Variants in PNPT1 observed in about 807,000 individuals in gnomAD.
PNPT1 encodes the protein polyribonucleotide nucleotidyltransferase 1, mitochondrial.
PNPT1 carries 53 observed loss-of-function variants against 119.5 expected under a neutral mutation model. The observed-to-expected ratio is 0.44, with a 90% CI of 0.36 to 0.56. The LOEUF (loss-of-function observed/expected upper bound fraction) is 0.56. PNPT1 is among the 20% of genes least tolerant of loss of function. The pLI is 0.00. For missense variants in PNPT1, 948 were observed against 938.5 expected, an observed-to-expected ratio of 1.01 and a Z score of -0.13; for synonymous variants, 357 against 322.1, an observed-to-expected ratio of 1.11 and a Z score of -1.16.
In PNPT1 at chr2:55,650,716, G is replaced by A. The variant is rs867382168; in HGVS notation, c.1496-3263C>T. On this transcript the variant is annotated intron_variant, in intron 18 of 27. Transcript: ENST00000447944. ...ATGTGAGGAGCGTCTCTGCCCGGCCGCCCCGTCTGAGAAGTGAGGAGACCC... is the reference window on the plus strand; with the variant it reads ...ATGTGAGGAGCGTCTCTGCCCGGCCACCCCGTCTGAGAAGTGAGGAGACCC... Among the ~76,000 whole-genome samples, 169 of 150,740 alleles carry A rather than the reference G, an allele frequency of 1.1e-3. 1 individual carries two copies. In the Middle Eastern group the frequency reaches 0.024, roughly 21 times the overall value.
chr2:55,654,959 G>C lies in PNPT1; in HGVS notation c.1442-6C>G, dbSNP rs1366094120. 1.9e-6 allele frequency: 3 copies of C among 1,610,778 alleles called. No homozygotes were observed. Among genetic ancestry groups the C allele is most frequent in the Non-Finnish European group, 2.5e-6 (3 of 1,178,240 alleles). ...AGATGCCATAGAAGATGACCCTATA[G>C]AAAGAAAAATAACTGCTTTATATTA... On this transcript the variant is annotated splice_region_variant and splice_polypyrimidine_tract_variant and intron_variant, in intron 17 of 27. Transcript: ENST00000447944.
chr2:55,652,596 A>G (rs1696245805), intron 18 of PNPT1, among the ~76,000 whole-genome samples: 1 of 152,162 alleles, frequency 6.6e-6, no homozygotes, highest in Non-Finnish European at 1.5e-5. Flanking sequence ...TGACCTGTTG[A>G]TCAGATTAAG....
intron 25 of PNPT1, among the ~76,000 whole-genome samples, chr2:55,642,523 G>A (rs542187330): frequency 4.0e-5 from 6 of 148,568 alleles, no homozygotes; most frequent in Middle Eastern, 3.4e-3. Context: ...GCAGAATGGC[G>A]TGAACCCGGG....
Position 55,668,772 on chromosome 2 carries a change from G to GT in PNPT1, c.977-815dup, listed in dbSNP as rs1025680690. Among the ~76,000 whole-genome samples, 7 of 151,938 alleles carry GT rather than the reference G, an allele frequency of 4.6e-5. No individual in the cohort carries two copies. The East Asian group carries it at 1.2e-3, about 25-fold the overall frequency. On this transcript the variant is annotated intron_variant, in intron 11 of 27. Transcript: ENST00000447944. ...GTGCCAACACACCTGGCTAATTTGTGTATCTTTAGTAGAGACGGGGTTTCT... is the reference window on the plus strand; with the variant it reads ...GTGCCAACACACCTGGCTAATTTGTGTTATCTTTAGTAGAGACGGGGTTTCT...
intron 15 of PNPT1, 27 bp downstream of exon 15, chr2:55,660,130 A>T (rs1363579462): frequency 6.4e-7 from 1 of 1,555,716 alleles, no homozygotes; most frequent in African/African-American, 1.4e-5. Flanking sequence ...TTATTAATAA[A>T]ATTTTGAGGA....
chr2:55,671,243 A>C, intron 11 of PNPT1, 76 bp downstream of exon 11: 1 of 714,966 alleles, frequency 1.4e-6, no homozygotes, highest in Non-Finnish European at 2.2e-6. Flanking sequence ...CTTTAATCCC[A>C]AGAAGCAAGA....
At chr2:55,666,844 C>G (rs1572818214) in intron 13 of PNPT1, 147 bp downstream of exon 13, 1 of 549,794 alleles carries the variant, frequency 1.8e-6, no homozygotes, top group East Asian at 3.4e-5. Context: ...CTGTCTCAAA[C>G]AAAACAAACA....
Position 55,634,914 on chromosome 2 carries a change from T to G in PNPT1, c.*1323A>C, listed in dbSNP as rs1167765251. The stretch of plus-strand genomic sequence containing the variant: ...TTTTTTAGAGATAAGAGTCCTGCTA[T>G]GTTGCCCAGGCTGGAGTACAGTAGC... On this transcript the variant is annotated 3_prime_UTR_variant, in exon 28 of 28. Transcript: ENST00000447944. 1 of 152,196 alleles carries G rather than the reference T, an allele frequency of 6.6e-6. No homozygotes were observed. The allele number at this position is 152,196 out of a possible 1,614,324, so 9.4% of individuals were successfully genotyped here. A position where few individuals can be genotyped will look rare whatever the true frequency, so the allele number is the denominator to read the frequency against.
chr2:55,671,106 G>T (rs760370645), intron 11 of PNPT1, among the ~76,000 whole-genome samples: 6 of 152,168 alleles, frequency 3.9e-5, no homozygotes, highest in African/African-American at 1.2e-4. Flanking sequence ...GGTGGCATTT[G>T]AACCTTGGGT....
chr2:55,671,931 C>A, intron 10 of PNPT1, 64 bp downstream of exon 10: 2 of 1,210,178 alleles, frequency 1.7e-6, no homozygotes, highest in Non-Finnish European at 2.3e-6. Flanking sequence ...AAGAAAATTA[C>A]ATGAGTTATG....
chr2:55,689,714 T>C (rs1398112885), intron 1 of PNPT1, among the ~76,000 whole-genome samples: 1 of 151,858 alleles, frequency 6.6e-6, no homozygotes, highest in Non-Finnish European at 1.5e-5. Context: ...AAGTGACTAC[T>C]ACTAATGAAT....
chr2:55,645,116 C>A (rs533808869), intron 22 of PNPT1: 208 of 318,102 alleles, frequency 6.5e-4, no homozygotes, highest in African/African-American at 3.1e-3. Flanking sequence ...CTCCGCCTCC[C>A]GGGTTCATGC....
chr2:55,683,179 G>A (rs532328638), intron 5 of PNPT1, among the ~76,000 whole-genome samples: 46 of 152,224 alleles, frequency 3.0e-4, no homozygotes, highest in African/African-American at 1.1e-3. Context: ...CTGTAGTCAC[G>A]CTGATCTTCT....
Position 55,662,101 on chromosome 2 carries a change from C to G in PNPT1, c.1177-75G>C, listed in dbSNP as rs1266850258. 4.8e-6 allele frequency: 6 copies of G among 1,251,146 alleles called. No homozygotes were observed. The African/African-American group carries it at 9.3e-5, about 19-fold the overall frequency. The allele number at this position is 1,251,146 out of a possible 1,614,324, so 77.5% of individuals were successfully genotyped here. A position where few individuals can be genotyped will look rare whatever the true frequency, so the allele number is the denominator to read the frequency against. On this transcript the variant is annotated intron_variant, in intron 13 of 27. Coordinates refer to ENST00000447944, the MANE Select transcript of PNPT1 (RefSeq NM_033109.5). ...TGAAAACTAAAAATACTTGAAGAAT[C>G]CAACTAACTCTTAAAAAAATGAGAT...
intron 27 of PNPT1, 99 bp downstream of exon 27, chr2:55,637,453 C>A (rs1399726996): frequency 5.4e-6 from 6 of 1,117,666 alleles, no homozygotes; most frequent in Admixed American, 2.0e-5. Flanking sequence ...AAATAAAAAA[C>A]TTCATAGATG....
At position 55,672,945 on chromosome 2, in the gene PNPT1, T is replaced by C. The variant is rs750722173; in HGVS notation, c.814A>G (p.Thr272Ala). Reference protein sequence around the residue: ...LVKETGVTKRTPQKLFTPSPE... With the variant: ...LVKETGVTKRAPQKLFTPSPE... ...GAAGGGGTAAATAACTTCTGAGGTGTCCTCTTGGTAACACCAGTTTCTTTT... is the reference window on the plus strand; with the variant it reads ...GAAGGGGTAAATAACTTCTGAGGTGCCCTCTTGGTAACACCAGTTTCTTTT... Residue 272 changes from threonine to alanine, a missense_variant, in exon 9 of 28, where the codon ACA becomes GCA. Physicochemically the swap from Thr to Ala is moderately conservative, Grantham distance 58. Coordinates refer to ENST00000447944, the MANE Select transcript of PNPT1 (RefSeq NM_033109.5). 1 of 1,613,342 alleles carries C rather than the reference T, an allele frequency of 6.2e-7. No individual in the cohort carries two copies. Among genetic ancestry groups the C allele is most frequent in the African/African-American group, 1.3e-5 (1 of 74,890 alleles).
intron 25 of PNPT1, among the ~76,000 whole-genome samples, chr2:55,642,791 A>C (rs1390990908): frequency 6.6e-6 from 1 of 151,984 alleles, no homozygotes; most frequent in Non-Finnish European, 1.5e-5. Context: ...TAAATGTAAA[A>C]TTAAATTGGG....
intron 8 of PNPT1, among the ~76,000 whole-genome samples, chr2:55,674,169 A>G (rs1696995391): frequency 1.3e-5 from 2 of 152,236 alleles, no homozygotes; most frequent in Non-Finnish European, 2.9e-5. Flanking sequence ...AAGCCAACTA[A>G]AGGACTGAAT....
intron 2 of PNPT1, 120 bp downstream of exon 2, chr2:55,687,525 G>A: frequency 4.3e-6 from 3 of 696,244 alleles, no homozygotes; most frequent in East Asian, 5.6e-5. Flanking sequence ...TATCTTAGTA[G>A]TATCTGAATT....
Sources: gnomAD v4.1 joint callset for allele counts (sites outside exome capture counted in the v4.1 genomes callset) on GRCh38, gnomAD v4.1.1 for gene constraint, MANE v1.5 for transcripts, NCBI Gene and HGNC (gene_info 2026-07-23, HGNC 2026-07-21) for gene names.